The following NISCH variants were observed in gnomAD, a reference collection of about 807,000 sequenced individuals.
The protein encoded by NISCH is nischarin.
NISCH carries 55 observed loss-of-function variants against 138.4 expected under a neutral mutation model. The ratio of observed to expected loss-of-function variants is 0.40; its 90% CI spans 0.32 to 0.50. The LOEUF is 0.50. NISCH is among the 20% of genes least tolerant of loss of function. NISCH has a pLI of 0.71. For missense variants in NISCH, 1,643 were observed against 2,005.5 expected (o/e 0.82, Z 3.45); for synonymous variants, 860 against 861.5 (o/e 1.00, Z 0.03).
At chr3:52,491,707 A>T in intron 20 of NISCH, 165 bp from the exon 21 acceptor site, 1 of 1,066,038 alleles carries the variant, frequency 9.4e-7, no homozygotes, top group Non-Finnish European at 1.3e-6. Flanking sequence ...TGGCAGACAC[A>T]TCTCCAGTGC....
intron 3 of NISCH, among the ~76,000 whole-genome samples, chr3:52,460,110 A>G (rs1477145285): frequency 6.9e-6 from 1 of 144,380 alleles, no homozygotes; most frequent in Non-Finnish European, 1.5e-5. Context: ...GAACCCAAGA[A>G]GCAGAGGTTG....
chr3:52,472,342 C>G lies in NISCH; in HGVS notation c.613C>G (p.Gln205Glu), dbSNP rs201085571. 3.9e-5 allele frequency: 63 copies of G among 1,614,060 alleles called. No homozygotes were observed. The highest frequency in any genetic ancestry group is 1.1e-4 in the South Asian group (10 of 91,082). ...AGGACCTTTTGGGACCAGCAACATT[C>G]AGGAGCAGCTCCTGCCGTTCGACCT... ...TEGPFGTSNI[Q>E]EQLLPFDLSI... The change falls in exon 6 of 21, where the codon CAG becomes GAG. Residue 205 changes from glutamine (Q) to glutamate (E), a missense_variant. Physicochemically the swap from Gln to Glu is conservative, Grantham distance 29. Coordinates refer to ENST00000345716, the MANE Select transcript of NISCH (RefSeq NM_007184.4).
chr3:52,478,347 A>T, intron 10 of NISCH, 65 bp downstream of exon 10: 1 of 1,606,358 alleles, frequency 6.2e-7, no homozygotes. Flanking sequence ...TTAAAGAAGA[A>T]TGTTAAGATT....
chr3:52,489,766 G>C, intron 17 of NISCH, 88 bp downstream of exon 17: 1 of 1,532,902 alleles, frequency 6.5e-7, no homozygotes, highest in Non-Finnish European at 8.7e-7. Flanking sequence ...TCAGGTCCCT[G>C]GACTTCCCTG....
At chr3:52,469,910 G>A (rs1706893157) in intron 3 of NISCH, among the ~76,000 whole-genome samples, 2 of 147,402 alleles carry the variant, frequency 1.4e-5, no homozygotes, top group South Asian at 2.2e-4. Context: ...GCAAGACTCC[G>A]TCTCAAAAAA....
In NISCH at chr3:52,472,363, G is replaced by C; in HGVS notation, c.634G>C (p.Asp212His). The C allele has an allele frequency of 1.2e-6, 2 of 1,614,138 alleles. No individual in the cohort carries two copies. Among genetic ancestry groups the C allele is most frequent in the Non-Finnish European group, 1.7e-6 (2 of 1,180,026 alleles). Residue 212 changes from aspartate to histidine, a missense_variant, in exon 6 of 21, where the codon GAC (aspartate) becomes CAC (histidine). By Grantham distance (81) the Asp-to-His change is moderately conservative. Coordinates refer to ENST00000345716, the MANE Select transcript of NISCH (RefSeq NM_007184.4). ...CATTCAGGAGCAGCTCCTGCCGTTCGACCTATCAATATTCAAGTCCCTGCA... is the reference window on the plus strand; with the variant it reads ...CATTCAGGAGCAGCTCCTGCCGTTCCACCTATCAATATTCAAGTCCCTGCA... ...SNIQEQLLPF[D>H]LSIFKSLHQV... is the part of the protein sequence containing the mutation.
At position 52,471,809 on chromosome 3, in the gene NISCH, T is replaced by C. The variant is rs1706956299; in HGVS notation, c.410-5T>C. Reference sequence around the variant, plus strand: ...CACTTATCCTTCAGGGCATGGCTCTTGCAGGAGAACAGCTCCTGGGGGCCG... The same window carrying C: ...CACTTATCCTTCAGGGCATGGCTCTCGCAGGAGAACAGCTCCTGGGGGCCG... On this transcript the variant is annotated splice_polypyrimidine_tract_variant and splice_region_variant and intron_variant, in intron 4 of 20. Coordinates refer to ENST00000345716, the MANE Select transcript of NISCH (RefSeq NM_007184.4). 1.9e-6 allele frequency: 3 copies of C among 1,613,978 alleles called. No individual in the cohort carries two copies. The highest frequency in any genetic ancestry group is 2.5e-6 in the Non-Finnish European group (3 of 1,179,926).
At chr3:52,481,150 T>G in intron 13 of NISCH, 2 of 1,228,818 alleles carry the variant, frequency 1.6e-6, no homozygotes, top group Non-Finnish European at 2.0e-6. Context: ...AGGGATAAGA[T>G]ACCGGGAAGG....
chr3:52,487,248 A>G lies in NISCH; in HGVS notation c.1756A>G (p.Ile586Val), dbSNP rs761402131. 10 of 1,614,022 alleles carry G rather than the reference A, an allele frequency of 6.2e-6. No individual in the cohort carries two copies. The East Asian group carries it at 2.2e-4, about 36-fold the overall frequency. ...GGTGGTGCCGGGGTCTGGCCAGATC[A>G]TCTTCCTGCCCTTCACCTGCATTGG... ...VQVVPGSGQI[I>V]FLPFTCIGYT... is the part of the protein sequence containing the mutation. Residue 586 changes from isoleucine to valine, a missense_variant, in exon 16 of 21, where the codon ATC becomes GTC. Transcript: ENST00000345716. This position sits in a 1 kb window ranked among gnomAD's most constrained non-coding sequence, Gnocchi z 9.1.
chr3:52,455,782 G>A (rs778497840), intron 1 of NISCH, 48 bp downstream of exon 1: 6 of 1,286,634 alleles, frequency 4.7e-6, no homozygotes, highest in Admixed American at 6.4e-5. Flanking sequence ...GGCTGGAACC[G>A]GGAGTCCGAC....
Position 52,492,278 on chromosome 3 carries a change from GCAAGGTCATGACCT to G in NISCH, c.4314_4327del (p.Gln1438HisfsTer18). 6.2e-7 allele frequency: 1 copy of G among 1,613,344 alleles called. No homozygotes were observed. The highest frequency in any genetic ancestry group is 8.5e-7 in the Non-Finnish European group (1 of 1,180,034). ...CCCTCACCCTCGTCTTCGATGACGT[GCAAGGTCATGACCT>G]CATGGGCAGTGTCACCCTGGACCAC... On this transcript the variant is annotated frameshift_variant, in exon 21 of 21. Transcript: ENST00000345716. LOFTEE classifies it high-confidence loss of function.
intron 15 of NISCH, chr3:52,486,345 A>T (rs1166946465): frequency 2.0e-5 from 3 of 153,026 alleles, no homozygotes; most frequent in African/African-American, 7.2e-5. Context: ...CGAACTCCTG[A>T]ACTCCAGTGA....
intron 13 of NISCH, chr3:52,481,178 C>T (rs1225496719): frequency 3.3e-6 from 4 of 1,196,414 alleles, no homozygotes; most frequent in South Asian, 7.3e-5. Context: ...AAATGCTCAC[C>T]ACTGCCAAAA....
At chr3:52,458,563 C>T in intron 2 of NISCH, 99 bp from the exon 3 acceptor site, 2 of 977,426 alleles carry the variant, frequency 2.0e-6, no homozygotes, top group Non-Finnish European at 3.1e-6. Flanking sequence ...AGGGGCTGTG[C>T]AAGTGCTGAC....
At position 52,467,982 on chromosome 3, in the gene NISCH, G is replaced by A. The variant is rs531223263; in HGVS notation, c.361-2877G>A. On this transcript the variant is annotated intron_variant, in intron 3 of 20. Transcript: ENST00000345716. ...TACTTGAAGAAATGTGCCATTGGCCGAGCGTGGTGGCTCACGCCTGTAATC... is the reference window on the plus strand; with the variant it reads ...TACTTGAAGAAATGTGCCATTGGCCAAGCGTGGTGGCTCACGCCTGTAATC... Among the ~76,000 whole-genome samples the A allele has an allele frequency of 9.5e-4, 145 of 152,312 alleles. 1 individual carries two copies. The highest frequency in any genetic ancestry group is 3.0e-3 in the African/African-American group (125 of 41,574).
chr3:52,472,957 G>T (rs1578290598), intron 6 of NISCH, among the ~76,000 whole-genome samples: 2 of 152,218 alleles, frequency 1.3e-5, no homozygotes, highest in East Asian at 3.9e-4. Context: ...GTTCTGCCCT[G>T]TGGCCCCATG....
At chr3:52,458,526 G>A in intron 2 of NISCH, 136 bp from the exon 3 acceptor site, 2 of 636,152 alleles carry the variant, frequency 3.1e-6, no homozygotes, top group South Asian at 2.4e-5. Flanking sequence ...CACTAGTTTG[G>A]TCACTGATTT....
rs79984698 is a variant in NISCH at position 52,483,793 on chromosome 3, G to A, written c.1529-720G>A. On this transcript the variant is annotated intron_variant, in intron 13 of 20. Transcript: ENST00000345716. ...GGGGACGGGGTCATGTCTAGTCACC[G>A]TCTGGGAAAATGCTCCAGGAGTGAA... Among the ~76,000 whole-genome samples the A allele has an allele frequency of 1.5e-4, 23 of 152,346 alleles. No individual in the cohort carries two copies. The East Asian group carries it at 3.7e-3, about 24-fold the overall frequency.
In NISCH at chr3:52,458,732, G is replaced by A; in HGVS notation, c.248G>A (p.Ser83Asn). ...AAGATAATTGGGAAAAACTCAAGAA[G>A]CTTGGTGGAGAAGAGGGAGAAGGAT... is the stretch of plus-strand genomic sequence containing the variant. Reference protein sequence around the residue: ...PKKIIGKNSRSLVEKREKDLE... With the variant: ...PKKIIGKNSRNLVEKREKDLE... Residue 83 changes from serine to asparagine, a missense_variant, in exon 3 of 21, where the codon AGC becomes AAC. Ser to Asn is a conservative substitution (Grantham distance 46). Coordinates refer to ENST00000345716, the MANE Select transcript of NISCH (RefSeq NM_007184.4). The A allele has an allele frequency of 6.2e-7, 1 of 1,614,082 alleles. No individual in the cohort carries two copies. The highest frequency in any genetic ancestry group is 8.5e-7 in the Non-Finnish European group (1 of 1,180,014).
Sources: gnomAD v4.1 joint callset for allele counts (sites outside exome capture counted in the v4.1 genomes callset) on GRCh38, gnomAD v4.1.1 for gene constraint, Gnocchi (gnomAD v3.1) non-coding constraint, MANE v1.5 for transcripts, NCBI Gene and HGNC (gene_info 2026-07-23, HGNC 2026-07-21) for gene names.